Variants in CCR7 observed in about 807,000 individuals in gnomAD.
The protein encoded by CCR7 is C-C chemokine receptor type 7.
A neutral mutation model predicts 26.0 loss-of-function variants in CCR7; 11 were observed. The observed-to-expected ratio is 0.42, with a 90% CI of 0.27 to 0.70. The LOEUF is 0.70. Ranked by LOEUF, CCR7 falls within the 30% of genes least tolerant of loss-of-function variation. The pLI is 0.23. For synonymous variants in CCR7, 189 were observed against 202.1 expected, an observed-to-expected ratio of 0.94 and a Z score of 0.55; for missense variants, 360 against 504.0, an observed-to-expected ratio of 0.71 and a Z score of 2.74.
chr17:40,558,033 ACAGTGCC>A (rs2036612499), intron 2 of CCR7, among the ~76,000 whole-genome samples: 1 of 152,172 alleles, frequency 6.6e-6, no homozygotes, highest in East Asian at 1.9e-4. Flanking sequence ...GGTTTTGGGA[ACAGTGCC>A]CAGCTTGGGG....
rs1248672058 is a variant in CCR7, at chr17:40,555,057, G to T, written c.822C>A (p.Val274=). The change falls in exon 3 of 3, where the codon GTC becomes GTA. Residue 274 remains valine (V), a synonymous_variant. Coordinates refer to ENST00000246657, the MANE Select transcript of CCR7 (RefSeq NM_001838.4). This position sits in a 1 kb window ranked among gnomAD's most constrained non-coding sequence, Gnocchi z 5.6. ...CCACCCCATTGTAGGGCAGCTGGAA[G>T]ACTATGAAGACCACGACCACAGCGA... ...VIIAVVVVFI[V]FQLPYNGVVL... 17 of 1,614,214 alleles carry T rather than the reference G, an allele frequency of 1.1e-5. 1 individual carries two copies. The highest frequency in any genetic ancestry group is 1.4e-5 in the Non-Finnish European group (17 of 1,180,040).
intron 1 of CCR7, among the ~76,000 whole-genome samples, chr17:40,563,612 A>C (rs1462052402): frequency 6.6e-6 from 1 of 151,876 alleles, no homozygotes; most frequent in Non-Finnish European, 1.5e-5. Context: ...AGGCCCACCC[A>C]CCCCATCAAC....
In CCR7 at chr17:40,558,785, T is replaced by C; in HGVS notation, c.60+108A>G. 4.3e-6 allele frequency: 4 copies of C among 929,168 alleles called. No homozygotes were observed. In the Admixed American group the frequency reaches 8.0e-5, roughly 19 times the overall value. 57.6% of individuals were successfully genotyped at this position (929,168 alleles called of 1,614,324 possible). On this transcript the variant is annotated intron_variant, in intron 2 of 2. Coordinates refer to ENST00000246657, the MANE Select transcript of CCR7 (RefSeq NM_001838.4). Reference sequence around the variant, plus strand: ...GCTTAATGAGTGGCAGGCGGGCTTATGTCTGGGTCTTGTATCTTCTAGCAA... The same window carrying C: ...GCTTAATGAGTGGCAGGCGGGCTTACGTCTGGGTCTTGTATCTTCTAGCAA...
chr17:40,561,787 C>T (rs891623065), intron 1 of CCR7, among the ~76,000 whole-genome samples: 3 of 152,068 alleles, frequency 2.0e-5, no homozygotes, highest in African/African-American at 7.3e-5. Context: ...CACAACTTTT[C>T]TCTCTCTCTC....
chr17:40,554,761 G>A lies in CCR7; in HGVS notation c.1118C>T (p.Thr373Ile). ...AGTCGCCTATGGGGAGAAGGTGGTG[G>A]TGGTCTCGGCCTCCACACTCATGGA... The part of the protein sequence containing the change: ...RSSMSVEAET[T>I]TTFSP Residue 373 changes from threonine to isoleucine, a missense_variant, in exon 3 of 3, where the codon ACC (threonine) becomes ATC (isoleucine). Coordinates refer to ENST00000246657, the MANE Select transcript of CCR7 (RefSeq NM_001838.4). 6.2e-7 allele frequency: 1 copy of A among 1,609,942 alleles called. No individual in the cohort carries two copies.
At chr17:40,564,089 T>C (rs899975905) in intron 1 of CCR7, among the ~76,000 whole-genome samples, 5 of 151,678 alleles carry the variant, frequency 3.3e-5, no homozygotes, top group Admixed American at 2.6e-4. Flanking sequence ...TACTGTGGGA[T>C]TGTGATGGGG....
chr17:40,561,411 T>A (rs768776682), intron 1 of CCR7, among the ~76,000 whole-genome samples: 11 of 152,254 alleles, frequency 7.2e-5, no homozygotes, highest in Non-Finnish European at 1.3e-4. Flanking sequence ...AGTCAGATCA[T>A]CCCTGTCTGT....
chr17:40,565,288 C>T, intron 1 of CCR7, 112 bp downstream of exon 1: 4 of 937,182 alleles, frequency 4.3e-6, no homozygotes, highest in Non-Finnish European at 7.1e-6. Flanking sequence ...CTGATTTCTC[C>T]AGGAAGCACC....
chr17:40,562,983 C>A lies in CCR7; in HGVS notation c.10+2417G>T, dbSNP rs1346355634. 6.6e-5 allele frequency among the ~76,000 whole-genome samples: 10 copies of A among 152,198 alleles called. No individual in the cohort carries two copies. In the East Asian group the frequency reaches 1.9e-3, roughly 29 times the overall value. On this transcript the variant is annotated intron_variant, in intron 1 of 2. Coordinates refer to ENST00000246657, the MANE Select transcript of CCR7 (RefSeq NM_001838.4). ...TCTGATGGCAATGGAGTTTGCCATT[C>A]CTGCCACATCCTGGGCCCATTGCAG... is the stretch of plus-strand genomic sequence containing the variant.
At chr17:40,561,593 A>G (rs2036656495) in intron 1 of CCR7, among the ~76,000 whole-genome samples, 1 of 152,142 alleles carries the variant, frequency 6.6e-6, no homozygotes, top group African/African-American at 2.4e-5. Context: ...GGAGCCCCCA[A>G]CATGAGAGAC....
intron 2 of CCR7, among the ~76,000 whole-genome samples, chr17:40,556,244 G>A (rs574764517): frequency 6.6e-6 from 1 of 152,158 alleles, no homozygotes; most frequent in Admixed American, 6.5e-5. Context: ...TCAAGTGATG[G>A]GTCTAGGAAT....
At position 40,555,920 on chromosome 17, in the gene CCR7, T is replaced by C. The variant is rs2036582994; in HGVS notation, c.61-102A>G. ...CAGTGGTTTCTTTCTTTTTTTTTTT[T>C]CTTGAGACATGGTCTCACTCTGTTG... On this transcript the variant is annotated intron_variant, in intron 2 of 2. Coordinates refer to ENST00000246657, the MANE Select transcript of CCR7 (RefSeq NM_001838.4). The surrounding 1 kb of genome is among the most constrained non-coding windows in gnomAD (Gnocchi z 5.6). The C allele has an allele frequency of 2.6e-6, 2 of 770,602 alleles. No homozygotes were observed. The highest frequency in any genetic ancestry group is 2.1e-6 in the Non-Finnish European group (1 of 477,658). The allele number at this position is 770,602 out of a possible 1,614,324, so 47.7% of individuals were successfully genotyped here.
chr17:40,559,337 C>T (rs577559377), intron 1 of CCR7, among the ~76,000 whole-genome samples: 67 of 152,298 alleles, frequency 4.4e-4, no homozygotes, highest in Middle Eastern at 3.4e-3. Flanking sequence ...TGGGATGAGG[C>T]GGCAAAGCTA....
chr17:40,561,252 G>C (rs2036652683), intron 1 of CCR7, among the ~76,000 whole-genome samples: 2 of 152,218 alleles, frequency 1.3e-5, no homozygotes, highest in Non-Finnish European at 2.9e-5. Context: ...GCTGGCGTGT[G>C]TGCCTGTGAT....
At position 40,565,449 on chromosome 17, in the gene CCR7, C is replaced by G; in HGVS notation, c.-40G>C. 1 of 1,609,602 alleles carries G rather than the reference C, an allele frequency of 6.2e-7. No homozygotes were observed. The highest frequency in any genetic ancestry group is 8.5e-7 in the Non-Finnish European group (1 of 1,175,872). ...GGTAAAACCACACAGGAAGGCTGTGCCCGGCCTCGCACTACCCCTGTCTGG... is the reference window on the plus strand; with the variant it reads ...GGTAAAACCACACAGGAAGGCTGTGGCCGGCCTCGCACTACCCCTGTCTGG... On this transcript the variant is annotated 5_prime_UTR_variant, in exon 1 of 3. Transcript: ENST00000246657.
intron 1 of CCR7, among the ~76,000 whole-genome samples, chr17:40,564,404 G>A (rs891353051): frequency 2.6e-5 from 4 of 152,210 alleles, no homozygotes; most frequent in African/African-American, 9.6e-5. Flanking sequence ...GCGAGGAGGG[G>A]TGTGAGGACA....
At chr17:40,563,624 G>A (rs1481923005) in intron 1 of CCR7, among the ~76,000 whole-genome samples, 1 of 152,026 alleles carries the variant, frequency 6.6e-6, no homozygotes, top group Non-Finnish European at 1.5e-5. Flanking sequence ...CCCATCAACG[G>A]CCCAGAGAGC....
Position 40,555,908 on chromosome 17 carries a change from CTTTTTTTTTTT to C in CCR7, c.61-101_61-91del. 4.4e-6 allele frequency: 3 copies of C among 683,968 alleles called. No homozygotes were observed. The highest frequency in any genetic ancestry group is 7.0e-6 in the Non-Finnish European group (3 of 428,162). The allele number at this position is 683,968 out of a possible 1,614,324, so 42.4% of individuals were successfully genotyped here. A position where few individuals can be genotyped will look rare whatever the true frequency, so the allele number is the denominator to read the frequency against. On this transcript the variant is annotated intron_variant, in intron 2 of 2. Transcript: ENST00000246657. This position sits in a 1 kb window ranked among gnomAD's most constrained non-coding sequence, Gnocchi z 5.6. ...TTTAGCCTAGAGCAGTGGTTTCTTT[CTTTTTTTTTTT>C]TCTTGAGACATGGTCTCACTCTGTT...
Position 40,565,452 on chromosome 17 carries a change from G to GGCC in CCR7, c.-46_-44dup. On this transcript the variant is annotated 5_prime_UTR_variant, in exon 1 of 3. Transcript: ENST00000246657. ...AAAACCACACAGGAAGGCTGTGCCC[G>GGCC]GCCTCGCACTACCCCTGTCTGGGGA... is the stretch of plus-strand genomic sequence containing the variant. The GGCC allele has an allele frequency of 1.2e-6, 2 of 1,606,614 alleles. No individual in the cohort carries two copies. The highest frequency in any genetic ancestry group is 1.7e-6 in the Non-Finnish European group (2 of 1,173,192).
Sources: gnomAD v4.1 joint callset for allele counts (sites outside exome capture counted in the v4.1 genomes callset) on GRCh38, gnomAD v4.1.1 for gene constraint, Gnocchi (gnomAD v3.1) non-coding constraint, MANE v1.5 for transcripts, NCBI Gene and HGNC (gene_info 2026-07-23, HGNC 2026-07-21) for gene names.